Variants in SLC2A10 observed in about 807,000 individuals in gnomAD.
The protein encoded by SLC2A10 is solute carrier family 2, facilitated glucose transporter member 10.
A neutral mutation model predicts 32.1 loss-of-function variants in SLC2A10; 25 were observed. That is an observed-to-expected ratio of 0.78 (90% CI 0.57 to 1.09). The LOEUF (loss-of-function observed/expected upper bound fraction) is 1.09, where lower values mean the gene tolerates loss of function less well. Ranked by LOEUF, SLC2A10 falls within the 50% of genes least tolerant of loss-of-function variation. The probability of loss-of-function intolerance (pLI) is 0.00; values close to 1 mark genes in which losing one functional copy is unlikely to be tolerated. For missense variants in SLC2A10, 673 were observed against 686.5 expected, an observed-to-expected ratio of 0.98 and a Z score of 0.22; for synonymous variants, 332 against 309.6, an observed-to-expected ratio of 1.07 and a Z score of -0.76.
chr20:46,731,580 C>A (rs2425911), intron 4 of SLC2A10, among the ~76,000 whole-genome samples: 1 of 152,036 alleles, frequency 6.6e-6, no homozygotes, highest in East Asian at 1.9e-4. Flanking sequence ...TGCGGGGTGT[C>A]AGCCTGGACC....
chr20:46,718,411 C>T (rs1231708102), intron 1 of SLC2A10, among the ~76,000 whole-genome samples: 3 of 152,148 alleles, frequency 2.0e-5, no homozygotes, highest in African/African-American at 7.2e-5. Flanking sequence ...CTCTTCTTGT[C>T]GTTTTTCCAT....
chr20:46,711,903 C>T (rs1373348164), intron 1 of SLC2A10, among the ~76,000 whole-genome samples: 1 of 152,178 alleles, frequency 6.6e-6, no homozygotes, highest in Non-Finnish European at 1.5e-5. Context: ...GGCTCATCAC[C>T]TATATCTGGT....
At position 46,716,658 on chromosome 20, in the gene SLC2A10, A is replaced by G. The variant is rs536063173; in HGVS notation, c.4+6918A>G. Among the ~76,000 whole-genome samples the G allele has an allele frequency of 2.3e-4, 32 of 136,794 alleles. No homozygotes were observed. The South Asian group carries it at 7.1e-3, about 30-fold the overall frequency. 89.7% of individuals were successfully genotyped at this position (136,794 alleles called of 152,430 possible). On this transcript the variant is annotated intron_variant, in intron 1 of 4. Coordinates refer to ENST00000359271, the MANE Select transcript of SLC2A10 (RefSeq NM_030777.4). ...AGTAATCTGTGCAACTGTGCTGCCA[A>G]TAGGGTAGCCAGCATCCATATGTGG...
chr20:46,723,173 G>C (rs1979654231), intron 1 of SLC2A10, among the ~76,000 whole-genome samples: 1 of 152,112 alleles, frequency 6.6e-6, no homozygotes, highest in Non-Finnish European at 1.5e-5. Flanking sequence ...TACTATGTCG[G>C]TGTGTAGCTT....
Position 46,733,900 on chromosome 20 carries a change from C to A in SLC2A10, c.*66C>A. 6.7e-7 allele frequency: 1 copy of A among 1,490,574 alleles called. No individual in the cohort carries two copies. The highest frequency in any genetic ancestry group is 2.3e-5 in the East Asian group (1 of 43,530). 92.3% of individuals were successfully genotyped at this position (1,490,574 alleles called of 1,614,324 possible). A position where few individuals can be genotyped will look rare whatever the true frequency, so the allele number is the denominator to read the frequency against. ...CAGACCATCTCCAGCATCCTGCTTC[C>A]TAGGCCCCAGAGCACAAGTTCCAGC... is the stretch of plus-strand genomic sequence containing the variant. On this transcript the variant is annotated 3_prime_UTR_variant, in exon 5 of 5. Transcript: ENST00000359271.
chr20:46,728,768 C>T (rs1260775946), intron 3 of SLC2A10, among the ~76,000 whole-genome samples: 1 of 151,780 alleles, frequency 6.6e-6, no homozygotes, highest in African/African-American at 2.4e-5. Context: ...CAGGTGTGTG[C>T]CACCATGCCC....
Position 46,736,135 on chromosome 20 carries a change from G to GATAAAGAATATTTACA in SLC2A10, c.*2325_*2340dup, listed in dbSNP as rs146488401. The GATAAAGAATATTTACA allele has an allele frequency of 6.6e-6, 1 of 151,970 alleles. No individual in the cohort carries two copies. The highest frequency in any genetic ancestry group is 1.5e-5 in the Non-Finnish European group (1 of 68,000). The allele number at this position is 151,970 out of a possible 1,614,324, so 9.4% of individuals were successfully genotyped here. A position where few individuals can be genotyped will look rare whatever the true frequency, so the allele number is the denominator to read the frequency against. On this transcript the variant is annotated 3_prime_UTR_variant, in exon 5 of 5. Transcript: ENST00000359271. ...AATCAATTGTCTATATGGAATTTAG[G>GATAAAGAATATTTACA]ATAAAGAATATTTACAATAAAGAAT...
chr20:46,729,809 A>AT (rs1243079602), intron 4 of SLC2A10, among the ~76,000 whole-genome samples: 3 of 151,382 alleles, frequency 2.0e-5, no homozygotes, highest in African/African-American at 7.3e-5. Context: ...CGCCCGGCTA[A>AT]TTTTTTGTAT....
At chr20:46,721,325 A>G (rs542764222) in intron 1 of SLC2A10, among the ~76,000 whole-genome samples, 10 of 152,112 alleles carry the variant, frequency 6.6e-5, no homozygotes, top group Non-Finnish European at 1.5e-4. Flanking sequence ...ACTGCAAGTT[A>G]GTTACCAAAA....
At chr20:46,733,547 G>A (rs1980406271) in intron 4 of SLC2A10, among the ~76,000 whole-genome samples, 1 of 152,188 alleles carries the variant, frequency 6.6e-6, no homozygotes, top group Non-Finnish European at 1.5e-5. Context: ...GGCTATAGGA[G>A]GCCAGGGAAG....
At position 46,734,644 on chromosome 20, in the gene SLC2A10, G is replaced by A. The variant is rs575632294; in HGVS notation, c.*810G>A. On this transcript the variant is annotated 3_prime_UTR_variant, in exon 5 of 5. Transcript: ENST00000359271. ...TCACCAGCAACTCTGACTCTTTGAC[G>A]GGAGGCCTCAGTTCTAGTCCTTGGT... 9 of 152,274 alleles carry A rather than the reference G, an allele frequency of 5.9e-5. No individual in the cohort carries two copies. The South Asian group carries it at 8.3e-4, about 14-fold the overall frequency. 9.4% of individuals were successfully genotyped at this position (152,274 alleles called of 1,614,324 possible). A position where few individuals can be genotyped will look rare whatever the true frequency, so the allele number is the denominator to read the frequency against.
chr20:46,714,820 A>G (rs893926204), intron 1 of SLC2A10, among the ~76,000 whole-genome samples: 1 of 151,812 alleles, frequency 6.6e-6, no homozygotes, highest in African/African-American at 2.4e-5. Context: ...AATGGCTCCA[A>G]CTCCTTTGAG....
rs1346841592 is a variant in SLC2A10 at position 46,725,888 on chromosome 20, C to T, written c.852C>T (p.Thr284=). The stretch of plus-strand genomic sequence containing the variant: ...TTGGCGCAGTGAAGGTGGCAGCTAC[C>T]CTGACCGCCATGGGGCTGGTGGACC... ...VGLGAVKVAA[T]LTAMGLVDRA... The change falls in exon 2 of 5, where the codon ACC becomes ACT. Residue 284 remains threonine, a synonymous_variant. Transcript: ENST00000359271. The T allele has an allele frequency of 1.9e-6, 3 of 1,614,202 alleles. No homozygotes were observed. In the South Asian group the frequency reaches 3.3e-5, roughly 18 times the overall value.
In SLC2A10 at chr20:46,725,782, A is replaced by C. The variant is rs531533787; in HGVS notation, c.746A>C (p.Asn249Thr). The change falls in exon 2 of 5, where the codon AAC becomes ACC. Residue 249 changes from asparagine to threonine, a missense_variant. Transcript: ENST00000359271. ...VLFQQLTGQP[N>T]VLCYASTIFS... Reference sequence around the variant, plus strand: ...TTCCAGCAACTAACAGGGCAGCCCAACGTGCTGTGCTATGCCTCCACCATC... The same window carrying C: ...TTCCAGCAACTAACAGGGCAGCCCACCGTGCTGTGCTATGCCTCCACCATC... The C allele has an allele frequency of 1.9e-6, 3 of 1,614,092 alleles. No homozygotes were observed. Among genetic ancestry groups the C allele is most frequent in the Admixed American group, 3.3e-5 (2 of 60,010 alleles).
intron 4 of SLC2A10, among the ~76,000 whole-genome samples, chr20:46,732,323 C>T (rs958405893): frequency 1.3e-5 from 2 of 152,146 alleles, no homozygotes; most frequent in Non-Finnish European, 2.9e-5. Flanking sequence ...CCTGTTTTAT[C>T]CCAGTTTCTC....
At chr20:46,731,023 C>T (rs1980268150) in intron 4 of SLC2A10, among the ~76,000 whole-genome samples, 1 of 152,228 alleles carries the variant, frequency 6.6e-6, no homozygotes, top group East Asian at 1.9e-4. Flanking sequence ...AGAATGTTCT[C>T]TCCTACTTTG....
At chr20:46,722,700 A>T (rs1422373135) in intron 1 of SLC2A10, among the ~76,000 whole-genome samples, 1 of 152,232 alleles carries the variant, frequency 6.6e-6, no homozygotes, top group Admixed American at 6.5e-5. Context: ...AGTTTCTCAC[A>T]CTATGCCTGG....
chr20:46,732,645 A>G (rs903364814), intron 4 of SLC2A10, among the ~76,000 whole-genome samples: 6 of 152,166 alleles, frequency 3.9e-5, no homozygotes, highest in Admixed American at 2.0e-4. Context: ...GTGTATCAGG[A>G]ATTTTCAACA....
intron 1 of SLC2A10, among the ~76,000 whole-genome samples, chr20:46,712,336 G>C (rs1978958737): frequency 6.6e-6 from 1 of 152,196 alleles, no homozygotes; most frequent in Non-Finnish European, 1.5e-5. Context: ...ACCTCTGGTT[G>C]AGACACTACT....
Sources: gnomAD v4.1 joint callset for allele counts (sites outside exome capture counted in the v4.1 genomes callset) on GRCh38, gnomAD v4.1.1 for gene constraint, MANE v1.5 for transcripts, NCBI Gene and HGNC (gene_info 2026-07-23, HGNC 2026-07-21) for gene names.